Variants in GABRB3 observed in about 807,000 individuals in gnomAD.
GABRB3 encodes the protein gamma-aminobutyric acid type A receptor subunit beta3, also known as gamma-aminobutyric acid receptor subunit beta-3.
A neutral mutation model predicts 52.1 loss-of-function variants in GABRB3; 14 were observed. That is an observed-to-expected ratio of 0.27 (90% CI 0.18 to 0.42). The LOEUF (loss-of-function observed/expected upper bound fraction) is 0.42. GABRB3 is among the 10% of genes least tolerant of loss of function. The probability of loss-of-function intolerance (pLI) is 1.00; values close to 1 mark genes in which losing one functional copy is unlikely to be tolerated. For synonymous variants in GABRB3, 260 were observed against 232.3 expected (o/e 1.12, Z -1.08); for missense variants, 307 against 609.1 (o/e 0.50, Z 5.22).
At chr15:26,751,896 A>T (rs2059574) in intron 3 of GABRB3, among the ~76,000 whole-genome samples, 67,047 of 152,082 alleles carry the variant, frequency 0.44, 17,095 homozygotes, top group South Asian at 0.63. Flanking sequence ...CAAACTATGT[A>T]ACATGGCTTT....
At chr15:26,641,244 G>A (rs534603286) in intron 3 of GABRB3, among the ~76,000 whole-genome samples, 3 of 152,330 alleles carry the variant, frequency 2.0e-5, no homozygotes, top group South Asian at 4.1e-4. Context: ...GCCTTCTGAC[G>A]CAGGACATGA....
intron 8 of GABRB3, among the ~76,000 whole-genome samples, chr15:26,551,834 T>C (rs1889476971): frequency 6.7e-6 from 1 of 150,282 alleles, no homozygotes; most frequent in Non-Finnish European, 1.5e-5. Context: ...TGCTTGGAGA[T>C]GGGAATGGAC....
At chr15:26,556,821 G>C (rs1254299579) in intron 8 of GABRB3, among the ~76,000 whole-genome samples, 1 of 152,128 alleles carries the variant, frequency 6.6e-6, no homozygotes, top group South Asian at 2.1e-4. Context: ...GTGTCCATAA[G>C]GGTACTGTTT....
At chr15:26,767,695 C>A (rs2079128578) in intron 3 of GABRB3, among the ~76,000 whole-genome samples, 1 of 152,152 alleles carries the variant, frequency 6.6e-6, no homozygotes, top group African/African-American at 2.4e-5. Context: ...GCACTGTGTT[C>A]ATTCAGCACT....
rs547415605 is a variant in GABRB3 at position 26,547,916 on chromosome 15, T to G, written c.1299A>C (p.Ser433=). The stretch of plus-strand genomic sequence containing the variant: ...GATCAGGTATTTTAATTTTGAGCTG[T>G]GAAGACCTCCTCCGTAGATGGGTCT... ...HKKTHLRRRS[S]QLKIKIPDLT... The change falls in exon 9 of 9, where the codon TCA becomes TCC. Residue 433 remains serine, a synonymous_variant. Transcript: ENST00000311550. The G allele has an allele frequency of 6.2e-7, 1 of 1,614,200 alleles. No homozygotes were observed. The highest frequency in any genetic ancestry group is 8.5e-7 in the Non-Finnish European group (1 of 1,180,026).
chr15:26,706,879 C>T lies in GABRB3; in HGVS notation c.240+65523G>A, dbSNP rs1287130095. On this transcript the variant is annotated intron_variant, in intron 3 of 8. Coordinates refer to ENST00000311550, the MANE Select transcript of GABRB3 (RefSeq NM_000814.6). The stretch of plus-strand genomic sequence containing the variant: ...TCAGCCTCCCAGCCATCTTCCTTTA[C>T]CCTCAGTCCTTCTGTGAGGAGTAAA... Among the ~76,000 whole-genome samples, 3 of 152,170 alleles carry T rather than the reference C, an allele frequency of 2.0e-5. No homozygotes were observed. In the East Asian group the frequency reaches 5.8e-4, roughly 29 times the overall value.
chr15:26,586,397 A>AACACACATAC (rs1555368907), intron 4 of GABRB3, among the ~76,000 whole-genome samples: 1 of 138,014 alleles, frequency 7.2e-6, no homozygotes, highest in Non-Finnish European at 1.5e-5. Flanking sequence ...AACCACCCCT[A>AACACACATAC]ACACACACAC....
intron 4 of GABRB3, among the ~76,000 whole-genome samples, chr15:26,584,055 C>T (rs113254503): frequency 0.027 from 4,176 of 152,230 alleles, 205 homozygotes; most frequent in African/African-American, 0.094. Context: ...AGATTACAGG[C>T]GTGAGCCACC....
At chr15:26,678,935 T>C (rs925268470) in intron 3 of GABRB3, among the ~76,000 whole-genome samples, 3 of 152,172 alleles carry the variant, frequency 2.0e-5, no homozygotes, top group Non-Finnish European at 4.4e-5. Flanking sequence ...TGAGTTTCTA[T>C]GAACCTCAAC....
intron 6 of GABRB3, among the ~76,000 whole-genome samples, chr15:26,577,506 T>C (rs546921215): frequency 4.6e-5 from 7 of 151,950 alleles, no homozygotes; most frequent in African/African-American, 1.4e-4. Flanking sequence ...GAGTGAGACT[T>C]TGTCTGAAAA....
Position 26,730,493 on chromosome 15 carries a change from C to G in GABRB3, c.240+41909G>C, listed in dbSNP as rs192310912. On this transcript the variant is annotated intron_variant, in intron 3 of 8. Coordinates refer to ENST00000311550, the MANE Select transcript of GABRB3 (RefSeq NM_000814.6). ...GGTGCACAGGCACCTCACCACCCCC[C>G]GTGCGGATGAATGCGGTCACGTCCC... is the stretch of plus-strand genomic sequence containing the variant. 1.6e-3 allele frequency among the ~76,000 whole-genome samples: 249 copies of G among 152,026 alleles called. 1 individual carries two copies. Among genetic ancestry groups the G allele is most frequent in the Middle Eastern group, 0.01 (3 of 290 alleles).
intron 3 of GABRB3, among the ~76,000 whole-genome samples, chr15:26,686,649 TA>T (rs1240881330): frequency 6.6e-6 from 1 of 152,200 alleles, no homozygotes; most frequent in Non-Finnish European, 1.5e-5. Context: ...TTCACAAAGT[TA>T]AGGTAATAGG....
intron 3 of GABRB3, among the ~76,000 whole-genome samples, chr15:26,766,245 C>A (rs1230702677): frequency 6.6e-6 from 1 of 152,140 alleles, no homozygotes; most frequent in East Asian, 1.9e-4. Context: ...ATGCATAAGA[C>A]ACAGACCCCT....
At chr15:26,572,797 C>G (rs1890455254) in intron 6 of GABRB3, among the ~76,000 whole-genome samples, 1 of 152,130 alleles carries the variant, frequency 6.6e-6, no homozygotes, top group South Asian at 2.1e-4. Context: ...GTGGTCAGGT[C>G]CCCAGGCAGA....
At chr15:26,704,009 T>G (rs1345265304) in intron 3 of GABRB3, among the ~76,000 whole-genome samples, 1 of 152,156 alleles carries the variant, frequency 6.6e-6, no homozygotes, top group Non-Finnish European at 1.5e-5. Context: ...AAGACTCCAC[T>G]AGGTAATGCG....
intron 6 of GABRB3, among the ~76,000 whole-genome samples, chr15:26,570,344 C>A (rs950551252): frequency 6.6e-6 from 1 of 152,212 alleles, no homozygotes; most frequent in Non-Finnish European, 1.5e-5. Flanking sequence ...TTTTTAGACT[C>A]CGTTTCTTGT....
At chr15:26,768,526 C>T (rs1186711306) in intron 3 of GABRB3, among the ~76,000 whole-genome samples, 2 of 152,012 alleles carry the variant, frequency 1.3e-5, no homozygotes, top group African/African-American at 2.4e-5. Flanking sequence ...AAAGTTTTTC[C>T]CATGTGTTGA....
intron 3 of GABRB3, among the ~76,000 whole-genome samples, chr15:26,768,999 T>C (rs1386942315): frequency 6.6e-6 from 1 of 152,204 alleles, no homozygotes; most frequent in East Asian, 1.9e-4. Context: ...TTAACTGATC[T>C]ATATATGTGT....
chr15:26,587,746 T>C (rs1179854875), intron 4 of GABRB3, among the ~76,000 whole-genome samples: 3 of 152,188 alleles, frequency 2.0e-5, no homozygotes, highest in African/African-American at 4.8e-5. Context: ...CAAGGGCAGA[T>C]AGGCCACAGT....
Sources: gnomAD v4.1 joint callset for allele counts (sites outside exome capture counted in the v4.1 genomes callset) on GRCh38, gnomAD v4.1.1 for gene constraint, MANE v1.5 for transcripts, NCBI Gene and HGNC (gene_info 2026-07-23, HGNC 2026-07-21) for gene names.